Variants in CAST observed in about 807,000 individuals in gnomAD.
CAST encodes the protein calpastatin, also known as MIR583 host.
A neutral mutation model predicts 119.6 loss-of-function variants in CAST; 76 were observed. The ratio of observed to expected loss-of-function variants is 0.64; its 90% confidence interval spans 0.53 to 0.77. CAST has a LOEUF of 0.77. Ranked by LOEUF, CAST falls within the 30% of genes least tolerant of loss-of-function variation. The pLI, the probability that CAST is intolerant of heterozygous loss-of-function variation, is 0.00. For missense variants in CAST, 953 were observed against 946.5 expected (o/e 1.01, Z -0.09); for synonymous variants, 319 against 331.6 (o/e 0.96, Z 0.41).
At chr5:96,238,224 A>G in the CAST span, among the ~76,000 whole-genome samples, 1 of 152,112 alleles carries the variant, frequency 6.6e-6, no homozygotes, top group Non-Finnish European at 1.5e-5. Flanking sequence ...TTAAAAAATG[A>G]CATCACACTA....
the CAST span, among the ~76,000 whole-genome samples, chr5:96,341,242 T>C: frequency 6.6e-6 from 1 of 152,176 alleles, no homozygotes; most frequent in African/African-American, 2.4e-5. Context: ...TCACTTACCA[T>C]ACATTTAATT....
chr5:96,243,238 C>T, the CAST span, among the ~76,000 whole-genome samples: 1 of 148,146 alleles, frequency 6.8e-6, no homozygotes, highest in Non-Finnish European at 1.5e-5. Context: ...AATAGAAGTA[C>T]TCAGCATAAC....
At chr5:96,137,478 C>T in the CAST span, among the ~76,000 whole-genome samples, 1 of 152,056 alleles carries the variant, frequency 6.6e-6, no homozygotes, top group African/African-American at 2.4e-5. Flanking sequence ...AACATTCATG[C>T]TCAGGTTTTT....
the CAST span, among the ~76,000 whole-genome samples, chr5:96,484,774 A>T: frequency 6.6e-6 from 1 of 152,084 alleles, no homozygotes; most frequent in African/African-American, 2.4e-5. Flanking sequence ...CATCATTAGC[A>T]TGATCACAGA....
At chr5:96,501,805 C>G in the CAST span, among the ~76,000 whole-genome samples, 1 of 152,186 alleles carries the variant, frequency 6.6e-6, no homozygotes, top group Non-Finnish European at 1.5e-5. Flanking sequence ...CAACGGTGAT[C>G]CCATAGGATT....
chr5:96,699,469 T>C (rs1270137445), intron 3 of CAST, among the ~76,000 whole-genome samples: 1 of 152,228 alleles, frequency 6.6e-6, no homozygotes, highest in Non-Finnish European at 1.5e-5. Context: ...GCAGTACTAA[T>C]GCACAGTAAC....
the CAST span, among the ~76,000 whole-genome samples, chr5:96,396,593 A>C: frequency 6.6e-6 from 1 of 152,076 alleles, no homozygotes; most frequent in African/African-American, 2.4e-5. Flanking sequence ...TTAGGCGTAT[A>C]ATTCTACACT....
rs867725876 is a variant in CAST at position 96,542,326 on chromosome 5, C to A, written c.60+12446C>A. Among the ~76,000 whole-genome samples the A allele has an allele frequency of 8.5e-3, 944 of 110,910 alleles. 6 individuals carry two copies. Among genetic ancestry groups the A allele is most frequent in the Middle Eastern group, 0.031 (7 of 228 alleles). 72.8% of individuals were successfully genotyped at this position (110,910 alleles called of 152,430 possible). A position where few individuals can be genotyped will look rare whatever the true frequency, so the allele number is the denominator to read the frequency against. On this transcript the variant is annotated intron_variant, in intron 1 of 11. Coordinates refer to the CAST transcript ENST00000505143. The stretch of plus-strand genomic sequence containing the variant: ...TTAGTCTCAAAAAAAAAAAAAAAGA[C>A]AAAACTATTTTTAGTTTTGTAAGAA...
chr5:96,589,043 TTC>T (rs1362697695), intron 1 of CAST, among the ~76,000 whole-genome samples: 15 of 152,220 alleles, frequency 9.9e-5, no homozygotes, highest in Non-Finnish European at 2.1e-4. Context: ...GACAACGATT[TTC>T]TTTTTCAGCT....
intron 2 of CAST, among the ~76,000 whole-genome samples, chr5:96,677,046 A>G (rs913008747): frequency 5.3e-5 from 8 of 151,134 alleles, no homozygotes; most frequent in Non-Finnish European, 1.0e-4. Flanking sequence ...AAAAAAAAAA[A>G]AGAAAAGAAA....
the CAST span, among the ~76,000 whole-genome samples, chr5:96,017,568 T>C: frequency 6.6e-6 from 1 of 152,174 alleles, no homozygotes; most frequent in African/African-American, 2.4e-5. Context: ...TCCTCAGACA[T>C]ATGGCTGATT....
At chr5:96,415,331 C>T in the CAST span, among the ~76,000 whole-genome samples, 2 of 152,112 alleles carry the variant, frequency 1.3e-5, no homozygotes, top group Non-Finnish European at 2.9e-5. Flanking sequence ...GTACTCAAGG[C>T]CTATCCAGTG....
At chr5:96,612,777 C>G (rs1747386684) in intron 1 of CAST, among the ~76,000 whole-genome samples, 1 of 152,076 alleles carries the variant, frequency 6.6e-6, no homozygotes, top group Admixed American at 6.6e-5. Flanking sequence ...TTTAGTTTTG[C>G]TTTAGATGTT....
the CAST span, among the ~76,000 whole-genome samples, chr5:96,025,922 T>C: frequency 6.6e-6 from 1 of 152,174 alleles, no homozygotes. Flanking sequence ...TCTGAACTTT[T>C]CTTGTTCACA....
chr5:96,170,999 G>C, the CAST span, among the ~76,000 whole-genome samples: 1 of 152,088 alleles, frequency 6.6e-6, no homozygotes, highest in Non-Finnish European at 1.5e-5. Flanking sequence ...AGATGGGTCC[G>C]TAGAAAAGGA....
chr5:96,173,999 T>C, the CAST span, among the ~76,000 whole-genome samples: 10,067 of 152,094 alleles, frequency 0.066, 1,116 homozygotes, highest in African/African-American at 0.23. Context: ...GCCTTAGACT[T>C]CCGAAGTGCT....
At position 96,773,207 on chromosome 5, in the gene CAST, G is replaced by A. The variant is rs746800752; in HGVS notation, c.*591G>A. The A allele has an allele frequency of 2.0e-5, 3 of 153,676 alleles. No homozygotes were observed. Among genetic ancestry groups the A allele is most frequent in the Non-Finnish European group, 2.9e-5 (2 of 68,008 alleles). 9.5% of individuals were successfully genotyped at this position (153,676 alleles called of 1,614,324 possible). A position where few individuals can be genotyped will look rare whatever the true frequency, so the allele number is the denominator to read the frequency against. On this transcript the variant is annotated 3_prime_UTR_variant, in exon 32 of 32. Coordinates refer to ENST00000675179, the MANE Select transcript of CAST (RefSeq NM_001750.7). ...GGCTGCTAATAATAAATTAATAACA[G>A]GTAACCTGGACAAACCAGGAAGCAC...
chr5:96,258,235 T>A, the CAST span, among the ~76,000 whole-genome samples: 2 of 152,220 alleles, frequency 1.3e-5, no homozygotes, highest in South Asian at 2.1e-4. Flanking sequence ...TGGTGTATCA[T>A]AGGCCATTAT....
chr5:96,767,481 A>C lies in CAST; in HGVS notation c.2174A>C (p.Lys725Thr). The C allele has an allele frequency of 6.2e-7, 1 of 1,611,596 alleles. No individual in the cohort carries two copies. The highest frequency in any genetic ancestry group is 2.2e-5 in the East Asian group (1 of 44,782). The change falls in exon 28 of 32, where the codon AAG becomes ACG. Residue 725 changes from lysine to threonine, a missense_variant and splice_region_variant. By Grantham distance (78) the Lys-to-Thr change is moderately conservative. Coordinates refer to ENST00000675179, the MANE Select transcript of CAST (RefSeq NM_001750.7). The stretch of plus-strand genomic sequence containing the variant: ...CCTACAAAGAAATCAGAGGATTCAA[A>C]GGTAAAGACCATAGGAACATATTTC... ...KPPTKKSEDSKKPADDQDPID... is the reference protein window; with the variant it reads ...KPPTKKSEDSTKPADDQDPID...
Sources: gnomAD v4.1 joint callset for allele counts (sites outside exome capture counted in the v4.1 genomes callset) on GRCh38, gnomAD v4.1.1 for gene constraint, MANE v1.5 for transcripts, NCBI Gene and HGNC (gene_info 2026-07-23, HGNC 2026-07-21) for gene names.